NBEA: variants seen among roughly 807,000 people sequenced by gnomAD.
NBEA encodes neurobeachin.
Under a neutral mutation model 343.4 loss-of-function variants are expected in NBEA, and 44 were observed. The observed-to-expected ratio is 0.13, with a 90% CI of 0.10 to 0.16. NBEA has a LOEUF of 0.16. Among genes scored for constraint, NBEA ranks in the 10% least tolerant of loss-of-function variants. The pLI, the probability that NBEA is intolerant of heterozygous loss-of-function variation, is 1.00. For synonymous variants in NBEA, 1,175 were observed against 1,238.7 expected, an observed-to-expected ratio of 0.95 and a Z score of 1.08; for missense variants, 2,555 against 3,631.3, an observed-to-expected ratio of 0.70 and a Z score of 7.62.
At chr13:35,426,094 T>C (rs1321518447) in intron 38 of NBEA, among the ~76,000 whole-genome samples, 1 of 152,218 alleles carries the variant, frequency 6.6e-6, no homozygotes, top group Non-Finnish European at 1.5e-5. Context: ...GTCTTGACTC[T>C]TTATCCAATT....
At chr13:35,239,322 A>G (rs2075379744) in intron 34 of NBEA, among the ~76,000 whole-genome samples, 1 of 152,220 alleles carries the variant, frequency 6.6e-6, no homozygotes, top group South Asian at 2.1e-4. Context: ...GCAAGGACTC[A>G]TGGTGGCCAT....
At chr13:35,108,943 T>A (rs2066050539) in intron 11 of NBEA, among the ~76,000 whole-genome samples, 2 of 152,156 alleles carry the variant, frequency 1.3e-5, no homozygotes, top group Non-Finnish European at 2.9e-5. Context: ...TATCACTTTT[T>A]ATTTCTATGT....
At chr13:35,463,468 T>C (rs966232686) in intron 40 of NBEA, among the ~76,000 whole-genome samples, 2 of 151,592 alleles carry the variant, frequency 1.3e-5, no homozygotes, top group African/African-American at 4.9e-5. Context: ...ACGAAAAAAT[T>C]TAAAAAATTA....
At chr13:35,536,307 T>A (rs2078537641) in intron 41 of NBEA, among the ~76,000 whole-genome samples, 1 of 152,196 alleles carries the variant, frequency 6.6e-6, no homozygotes, top group East Asian at 1.9e-4. Flanking sequence ...TTTGAATAAA[T>A]GCTTTTTTGA....
chr13:35,475,291 T>C, intron 41 of NBEA: 1 of 1,614,082 alleles, frequency 6.2e-7, no homozygotes, highest in Non-Finnish European at 8.5e-7. Flanking sequence ...GGGATGCTTT[T>C]CACACTCGTA....
At chr13:35,082,266 T>C (rs370970010) in intron 10 of NBEA, among the ~76,000 whole-genome samples, 1 of 152,100 alleles carries the variant, frequency 6.6e-6, no homozygotes, top group African/African-American at 2.4e-5. Context: ...TTTATGGCTG[T>C]ATAGTATTCC....
chr13:35,505,621 A>G (rs868259764), intron 41 of NBEA, among the ~76,000 whole-genome samples: 1 of 152,232 alleles, frequency 6.6e-6, no homozygotes, highest in Non-Finnish European at 1.5e-5. Flanking sequence ...CCATCTTAGA[A>G]GGAATAACCA....
chr13:35,475,489 G>T (rs777847509), intron 41 of NBEA: 1 of 1,612,402 alleles, frequency 6.2e-7, no homozygotes, highest in Non-Finnish European at 8.5e-7. Flanking sequence ...GCCGGCCAAG[G>T]AGTGGCACTC....
chr13:35,177,245 A>G (rs773601077), intron 28 of NBEA, 142 bp downstream of exon 28: 186 of 611,996 alleles, frequency 3.0e-4, no homozygotes, highest in Middle Eastern at 2.9e-3. Flanking sequence ...CTCATTATAA[A>G]ATGGTTGAAC....
intron 31 of NBEA, among the ~76,000 whole-genome samples, chr13:35,199,947 G>A (rs1376599647): frequency 6.6e-6 from 1 of 151,892 alleles, no homozygotes; most frequent in Non-Finnish European, 1.5e-5. Flanking sequence ...TCAGTGATCC[G>A]AACAGATGTG....
At chr13:35,190,877 G>T (rs1282059096) in intron 30 of NBEA, among the ~76,000 whole-genome samples, 1 of 152,024 alleles carries the variant, frequency 6.6e-6, no homozygotes, top group Non-Finnish European at 1.5e-5. Flanking sequence ...ATTACAGGAA[G>T]CATTTTCTAA....
intron 1 of NBEA, among the ~76,000 whole-genome samples, chr13:35,008,063 G>A (rs1479138978): frequency 6.6e-6 from 1 of 152,164 alleles, no homozygotes; most frequent in Admixed American, 6.5e-5. Flanking sequence ...GCTGGTGCTG[G>A]TGTGTAGGCT....
chr13:34,992,236 GTGTA>G (rs1270246739), intron 1 of NBEA, among the ~76,000 whole-genome samples: 1,890 of 100,854 alleles, frequency 0.019, 18 homozygotes, highest in Non-Finnish European at 0.023. Context: ...GTGTGTGTGT[GTGTA>G]TATATATATA....
At chr13:35,371,829 G>A (rs1243375183) in intron 38 of NBEA, among the ~76,000 whole-genome samples, 1 of 152,160 alleles carries the variant, frequency 6.6e-6, no homozygotes, top group East Asian at 1.9e-4. Context: ...GCCTGATTCT[G>A]GGTGCATGCA....
chr13:35,185,552 A>G (rs1047124563), intron 30 of NBEA: 1 of 152,168 alleles, frequency 6.6e-6, no homozygotes, highest in African/African-American at 2.4e-5. Context: ...TTGTCAGCAA[A>G]CATCACCTGG....
At chr13:35,321,714 G>A (rs543315443) in intron 36 of NBEA, among the ~76,000 whole-genome samples, 1 of 151,936 alleles carries the variant, frequency 6.6e-6, no homozygotes, top group East Asian at 1.9e-4. Context: ...CTTCCCCCAG[G>A]TGCTCTGTCC....
intron 37 of NBEA, among the ~76,000 whole-genome samples, chr13:35,349,449 T>C (rs1040407290): frequency 1.3e-5 from 2 of 152,232 alleles, no homozygotes; most frequent in Middle Eastern, 3.4e-3. Flanking sequence ...TTTGGTAGAC[T>C]GAAGTTATTC....
chr13:35,303,453 A>G (rs1267855489), intron 35 of NBEA, among the ~76,000 whole-genome samples: 1 of 152,220 alleles, frequency 6.6e-6, no homozygotes, highest in African/African-American at 2.4e-5. Context: ...AACCACATAT[A>G]TCTTAAATTC....
chr13:35,381,342 A>G (rs2042004489), intron 38 of NBEA, among the ~76,000 whole-genome samples: 1 of 152,160 alleles, frequency 6.6e-6, no homozygotes, highest in Non-Finnish European at 1.5e-5. Context: ...GTAAAATGGA[A>G]AGATATATAA....
Sources: allele counts gnomAD v4.1 joint callset (sites outside exome capture counted in the v4.1 genomes callset), GRCh38; gene constraint gnomAD v4.1.1; transcripts MANE v1.5; gene names NCBI Gene and HGNC (gene_info 2026-07-23, HGNC 2026-07-21).